MYH10: variants seen among roughly 807,000 people sequenced by gnomAD.
MYH10 encodes myosin heavy chain 10.
In MYH10, 55 loss-of-function variants were observed where a neutral mutation model predicts 257.8. That is an observed-to-expected ratio of 0.21 (90% CI 0.17 to 0.27). The LOEUF (loss-of-function observed/expected upper bound fraction) is 0.27. MYH10 is among the 10% of genes least tolerant of loss of function. MYH10 has a pLI of 1.00. For missense variants in MYH10, 1,631 were observed against 2,500.6 expected, an observed-to-expected ratio of 0.65 and a Z score of 7.42; for synonymous variants, 854 against 921.7, an observed-to-expected ratio of 0.93 and a Z score of 1.33.
intron 21 of MYH10, among the ~76,000 whole-genome samples, chr17:8,516,125 A>G (rs921283123): frequency 1.3e-5 from 2 of 152,144 alleles, no homozygotes; most frequent in Non-Finnish European, 2.9e-5. Context: ...GCTGATTTCT[A>G]TTACACCTGT....
intron 30 of MYH10, among the ~76,000 whole-genome samples, chr17:8,497,676 T>C (rs1490858535): frequency 7.6e-6 from 1 of 131,644 alleles, no homozygotes; most frequent in African/African-American, 2.9e-5. Context: ...GAGGCAGAGC[T>C]TGCAGTGAGC....
At chr17:8,571,682 G>A (rs879348990) in intron 6 of MYH10, among the ~76,000 whole-genome samples, 3 of 151,828 alleles carry the variant, frequency 2.0e-5, no homozygotes, top group South Asian at 2.1e-4. Context: ...CGCTTGAACC[G>A]AGGAGGCAGA....
intron 17 of MYH10, among the ~76,000 whole-genome samples, chr17:8,526,864 A>T (rs1323479712): frequency 6.6e-6 from 1 of 152,198 alleles, no homozygotes; most frequent in East Asian, 1.9e-4. Context: ...AATTCATTCT[A>T]CTTAATATAG....
In MYH10 at chr17:8,569,807, T is replaced by A; in HGVS notation, c.669A>T (p.Glu223Asp). 1 of 1,610,446 alleles carries A rather than the reference T, an allele frequency of 6.2e-7. No individual in the cohort carries two copies. Among genetic ancestry groups the A allele is most frequent in the African/African-American group, 1.3e-5 (1 of 74,978 alleles). The change falls in exon 7 of 43, where the codon GAA (glutamate) becomes GAT (aspartate). Residue 223 changes from glutamate to aspartate, a missense_variant. By Grantham distance (45) the Glu-to-Asp change is conservative. Around this residue, in one of 11 missense-constraint regions of MYH10, gnomAD observed 360 missense variants for 581.9 expected, o/e 0.62. Transcript: ENST00000360416. The surrounding 1 kb of genome is among the most constrained non-coding windows in gnomAD (Gnocchi z 4.1). ...TTGCTTGCAAAAGCTGCCGTTCAAG[T>A]TCCCCCTAAAAGACATTACACACAC... Reference protein sequence around the residue: ...ESPKPVKHQGELERQLLQANP... With the variant: ...ESPKPVKHQGDLERQLLQANP...
intron 4 of MYH10, among the ~76,000 whole-genome samples, chr17:8,577,919 T>C (rs2083560645): frequency 6.6e-6 from 1 of 152,180 alleles, no homozygotes; most frequent in Admixed American, 6.5e-5. Flanking sequence ...GGGGGGGTTC[T>C]ACCAGAGAAG....
chr17:8,606,224 C>G (rs887629279), intron 2 of MYH10, among the ~76,000 whole-genome samples: 1 of 152,108 alleles, frequency 6.6e-6, no homozygotes, highest in African/African-American at 2.4e-5. Context: ...CCTATGAATG[C>G]TTATGACTTG....
intron 29 of MYH10, among the ~76,000 whole-genome samples, chr17:8,500,565 G>A (rs1384928169): frequency 5.9e-5 from 9 of 152,212 alleles, no homozygotes; most frequent in Non-Finnish European, 1.2e-4. Context: ...GGTTTAGTGA[G>A]AAGAGACACT....
chr17:8,604,781 A>G lies in MYH10; in HGVS notation c.502+45T>C, dbSNP rs1555615719. On this transcript the variant is annotated intron_variant, in intron 3 of 42. Transcript: ENST00000360416. ...GAGACATTAAAAAACAGTAAATTAC[A>G]TTTAAGAAATTCTGAGCATTTAGTA... The G allele has an allele frequency of 7.5e-6, 10 of 1,328,194 alleles. No homozygotes were observed. In the South Asian group the frequency reaches 1.7e-4, roughly 23 times the overall value. The allele number at this position is 1,328,194 out of a possible 1,614,324, so 82.3% of individuals were successfully genotyped here. A position where few individuals can be genotyped will look rare whatever the true frequency, so the allele number is the denominator to read the frequency against.
At chr17:8,503,215 G>A (rs1448514970) in intron 28 of MYH10, among the ~76,000 whole-genome samples, 4 of 152,110 alleles carry the variant, frequency 2.6e-5, no homozygotes, top group Non-Finnish European at 4.4e-5. Flanking sequence ...CCCGGGAGGC[G>A]GAGGTTGCAG....
chr17:8,538,805 C>T (rs899506339), intron 14 of MYH10, among the ~76,000 whole-genome samples: 4 of 152,184 alleles, frequency 2.6e-5, no homozygotes, highest in African/African-American at 7.2e-5. Flanking sequence ...TCATGACTTC[C>T]CAGCTCCAAT....
intron 2 of MYH10, among the ~76,000 whole-genome samples, chr17:8,616,535 A>C (rs528058017): frequency 1.2e-4 from 18 of 152,274 alleles, no homozygotes; most frequent in Middle Eastern, 3.4e-3. Flanking sequence ...AACACCATTT[A>C]AATAATATTC....
chr17:8,495,382 C>A (rs1021998209), intron 30 of MYH10, 141 bp from the exon 31 acceptor site: 9 of 617,598 alleles, frequency 1.5e-5, no homozygotes, highest in Non-Finnish European at 2.6e-5. Context: ...GGAAGACTCA[C>A]CACCAAGAGT....
At chr17:8,583,515 G>C (rs532747464) in intron 4 of MYH10, among the ~76,000 whole-genome samples, 1 of 152,112 alleles carries the variant, frequency 6.6e-6, no homozygotes, top group Non-Finnish European at 1.5e-5. Context: ...TATGGCAATA[G>C]GGTTCAGAGA....
chr17:8,493,063 A>C (rs1916027771), intron 32 of MYH10, 39 bp from the exon 33 acceptor site: 1 of 1,594,956 alleles, frequency 6.3e-7, no homozygotes, highest in Non-Finnish European at 8.5e-7. Context: ...GCTCAGTATT[A>C]ATGTACTCAA....
In MYH10 at chr17:8,495,117, C is replaced by T. The variant is rs756754061; in HGVS notation, c.4056+20G>A. 1 of 1,431,106 alleles carries T rather than the reference C, an allele frequency of 7.0e-7. No individual in the cohort carries two copies. Among genetic ancestry groups the T allele is most frequent in the East Asian group, 2.3e-5 (1 of 43,968 alleles). 88.7% of individuals were successfully genotyped at this position (1,431,106 alleles called of 1,614,324 possible). On this transcript the variant is annotated intron_variant, in intron 31 of 42. Transcript: ENST00000360416. ...AGAAATGTTAGTTATTATAAAGACC[C>T]CTTGCTCCCCAGGGAATACCTGTGT...
At chr17:8,528,235 C>T (rs1410721590) in intron 17 of MYH10, among the ~76,000 whole-genome samples, 6 of 152,192 alleles carry the variant, frequency 3.9e-5, no homozygotes, top group Admixed American at 3.9e-4. Flanking sequence ...GTACCTCCAA[C>T]ATGCTTTGGA....
At chr17:8,593,754 C>T (rs2084258062) in intron 3 of MYH10, among the ~76,000 whole-genome samples, 1 of 152,074 alleles carries the variant, frequency 6.6e-6, no homozygotes, top group African/African-American at 2.4e-5. Context: ...GTTAATTCGG[C>T]CTCAACTGAT....
Position 8,506,173 on chromosome 17 carries a change from G to T in MYH10, c.3386+145C>A. The T allele has an allele frequency of 1.4e-6, 1 of 722,140 alleles. No individual in the cohort carries two copies. The highest frequency in any genetic ancestry group is 2.1e-6 in the Non-Finnish European group (1 of 466,528). The allele number at this position is 722,140 out of a possible 1,614,324, so 44.7% of individuals were successfully genotyped here. Reference sequence around the variant, plus strand: ...TCCTGACACAAATTCTGTACGCCTGGGCTTTTCACTTTCTCAGGTCACACC... The same window carrying T: ...TCCTGACACAAATTCTGTACGCCTGTGCTTTTCACTTTCTCAGGTCACACC... On this transcript the variant is annotated intron_variant, in intron 27 of 42. Coordinates refer to ENST00000360416, the MANE Select transcript of MYH10 (RefSeq NM_001256012.3). The surrounding 1 kb of genome is among the most constrained non-coding windows in gnomAD (Gnocchi z 5.0).
At chr17:8,630,564 G>A in intron 1 of MYH10, 90 bp downstream of exon 1, 1 of 154,204 alleles carries the variant, frequency 6.5e-6, no homozygotes, top group Non-Finnish European at 1.4e-5. Context: ...AGCCGCCCGG[G>A]ACCCCTCAGC....
Sources: gnomAD v4.1 joint callset for allele counts (sites outside exome capture counted in the v4.1 genomes callset) on GRCh38, gnomAD v4.1.1 for gene constraint, gnomAD v4.1.1 regional missense constraint, Gnocchi (gnomAD v3.1) non-coding constraint, MANE v1.5 for transcripts, NCBI Gene and HGNC (gene_info 2026-07-23, HGNC 2026-07-21) for gene names.